Variants in KCNQ1OT1 observed in about 807,000 individuals in gnomAD.
KCNQ1OT1 encodes KCNQ1 antisense RNA 2 (non-protein coding).
rs1849005767 is a variant in KCNQ1OT1 at position 2,612,988 on chromosome 11, G to C, written n.87007C>G. ...GCAGTGTGCAGCCACTGGTGTCTTT[G>C]CTCAGTTTTGTTTGTTTTAATTCTT... On this transcript the variant is annotated non_coding_transcript_exon_variant, in exon 1 of 1. Transcript: ENST00000597346. This position sits in a 1 kb window ranked among gnomAD's most constrained non-coding sequence, Gnocchi z 5.5. 2.5e-6 allele frequency: 1 copy of C among 398,450 alleles called. No individual in the cohort carries two copies. The highest frequency in any genetic ancestry group is 4.4e-5 in the Admixed American group (1 of 22,694). The allele number at this position is 398,450 out of a possible 1,614,324, so 24.7% of individuals were successfully genotyped here. A position where few individuals can be genotyped will look rare whatever the true frequency, so the allele number is the denominator to read the frequency against.
chr11:2,662,207 T>G, exon 1 of KCNQ1OT1: 5 of 1,332,372 alleles, frequency 3.8e-6, no homozygotes, highest in Non-Finnish European at 5.2e-6. Context: ...GCCCACCACT[T>G]GCCGTCTGCC....
At chr11:2,699,568 C>T (rs980632056) in exon 1 of KCNQ1OT1, 80 of 345,418 alleles carry the variant, frequency 2.3e-4, no homozygotes, top group Admixed American at 4.8e-5. Flanking sequence ...GAGAACCATG[C>T]TGAGGAGCCC....
exon 1 of KCNQ1OT1, chr11:2,694,295 A>G (rs1850636656): frequency 2.5e-6 from 1 of 398,700 alleles, no homozygotes; most frequent in East Asian, 3.6e-5. Flanking sequence ...CCCAGTCCCA[A>G]GAGCTGTTCT....
exon 1 of KCNQ1OT1, chr11:2,667,544 T>C (rs7120573): frequency 7.0e-5 from 27 of 387,510 alleles, no homozygotes; most frequent in African/African-American, 4.9e-4. Flanking sequence ...GCACTGATAT[T>C]GTCATGGAGA....
At chr11:2,644,689 T>C (rs1470224194) in exon 1 of KCNQ1OT1, 1 of 398,632 alleles carries the variant, frequency 2.5e-6, no homozygotes, top group East Asian at 3.6e-5. Flanking sequence ...AATTTTTTGA[T>C]CTGTCTTTCC....
chr11:2,623,736 G>A lies in KCNQ1OT1; in HGVS notation n.76259C>T. 1 of 398,470 alleles carries A rather than the reference G, an allele frequency of 2.5e-6. No homozygotes were observed. Among genetic ancestry groups the A allele is most frequent in the Non-Finnish European group, 4.4e-6 (1 of 226,030 alleles). The allele number at this position is 398,470 out of a possible 1,614,324, so 24.7% of individuals were successfully genotyped here. A position where few individuals can be genotyped will look rare whatever the true frequency, so the allele number is the denominator to read the frequency against. ...AAATAAAGCTTCTGTAAACATCTCT[G>A]TGCAGATTTTTATGTGAATATAAGT... is the stretch of plus-strand genomic sequence containing the variant. On this transcript the variant is annotated non_coding_transcript_exon_variant, in exon 1 of 1. Transcript: ENST00000597346. This position sits in a 1 kb window ranked among gnomAD's most constrained non-coding sequence, Gnocchi z 5.2.
At position 2,657,764 on chromosome 11, in the gene KCNQ1OT1, C is replaced by G. The variant is rs1191045743; in HGVS notation, n.42231G>C. 3 of 398,450 alleles carry G rather than the reference C, an allele frequency of 7.5e-6. No homozygotes were observed. Among genetic ancestry groups the G allele is most frequent in the Non-Finnish European group, 1.3e-5 (3 of 226,060 alleles). The allele number at this position is 398,450 out of a possible 1,614,324, so 24.7% of individuals were successfully genotyped here. On this transcript the variant is annotated non_coding_transcript_exon_variant, in exon 1 of 1. Coordinates refer to ENST00000597346, the Ensembl canonical transcript of KCNQ1OT1. The surrounding 1 kb of genome is among the most constrained non-coding windows in gnomAD (Gnocchi z 4.8). ...TGACGGGCTTCTCAGTCTTGTTCTTCATTAACTTGACACTTTTGAAGAATA... is the reference window on the plus strand; with the variant it reads ...TGACGGGCTTCTCAGTCTTGTTCTTGATTAACTTGACACTTTTGAAGAATA...
exon 1 of KCNQ1OT1, chr11:2,662,707 G>A (rs1035570425): frequency 5.0e-6 from 2 of 401,690 alleles, no homozygotes; most frequent in Non-Finnish European, 8.8e-6. Flanking sequence ...GTGCAGCGGG[G>A]TCAGTGGGGC....
chr11:2,655,893 A>G, exon 1 of KCNQ1OT1: 1 of 398,712 alleles, frequency 2.5e-6, no homozygotes, highest in Non-Finnish European at 4.4e-6. Flanking sequence ...CCCTTGTTAT[A>G]GGGGCCCCAT....
exon 1 of KCNQ1OT1, chr11:2,631,169 T>A (rs1456091794): frequency 2.5e-6 from 1 of 398,470 alleles, no homozygotes; most frequent in African/African-American, 2.1e-5. Flanking sequence ...TTTCTCTGAA[T>A]TAACTTTCTA....
rs1191931411 is a variant in KCNQ1OT1, at chr11:2,652,065, T to C, written n.47930A>G. The C allele has an allele frequency of 1.0e-5, 4 of 398,518 alleles. No individual in the cohort carries two copies. Among genetic ancestry groups the C allele is most frequent in the East Asian group, 3.6e-5 (1 of 28,078 alleles). 24.7% of individuals were successfully genotyped at this position (398,518 alleles called of 1,614,324 possible). A position where few individuals can be genotyped will look rare whatever the true frequency, so the allele number is the denominator to read the frequency against. On this transcript the variant is annotated non_coding_transcript_exon_variant, in exon 1 of 1. Coordinates refer to ENST00000597346, the Ensembl canonical transcript of KCNQ1OT1. This position sits in a 1 kb window ranked among gnomAD's most constrained non-coding sequence, Gnocchi z 5.9. ...GCTCTGACTGTGTCCAGGCTCCAAT[T>C]TGAGAAGCTATGGGGAGCCTCTCGG...
chr11:2,614,340 T>G lies in KCNQ1OT1; in HGVS notation n.85655A>C, dbSNP rs1849026274. On this transcript the variant is annotated non_coding_transcript_exon_variant, in exon 1 of 1. Coordinates refer to ENST00000597346, the Ensembl canonical transcript of KCNQ1OT1. ...ATTCTGTCTGTGCTGCTTTTTAGTC[T>G]TCTGTGCACCCTTTAAATTTTTTAA... 4 of 398,444 alleles carry G rather than the reference T, an allele frequency of 1.0e-5. No homozygotes were observed. The Admixed American group carries it at 1.8e-4, about 18-fold the overall frequency. 24.7% of individuals were successfully genotyped at this position (398,444 alleles called of 1,614,324 possible). A position where few individuals can be genotyped will look rare whatever the true frequency, so the allele number is the denominator to read the frequency against.
chr11:2,640,540 C>T (rs1011794281), exon 1 of KCNQ1OT1: 15 of 391,704 alleles, frequency 3.8e-5, no homozygotes, highest in Non-Finnish European at 2.7e-5. Context: ...TCTGCCTTGG[C>T]CCCCCAAAGC....
At position 2,670,468 on chromosome 11, in the gene KCNQ1OT1, G is replaced by A; in HGVS notation, n.29527C>T. ...CTGAGACACACAGCCCACATCCTTGGTAGGTCCCTCAGAGAGCATCTAGTG... is the reference window on the plus strand; with the variant it reads ...CTGAGACACACAGCCCACATCCTTGATAGGTCCCTCAGAGAGCATCTAGTG... On this transcript the variant is annotated non_coding_transcript_exon_variant, in exon 1 of 1. Transcript: ENST00000597346. The surrounding 1 kb of genome is among the most constrained non-coding windows in gnomAD (Gnocchi z 4.9). 1 of 397,648 alleles carries A rather than the reference G, an allele frequency of 2.5e-6. No individual in the cohort carries two copies. The highest frequency in any genetic ancestry group is 4.4e-6 in the Non-Finnish European group (1 of 225,872). 24.6% of individuals were successfully genotyped at this position (397,648 alleles called of 1,614,324 possible).
chr11:2,695,157 C>G lies in KCNQ1OT1; in HGVS notation n.4838G>C, dbSNP rs1458294652. 3 of 398,538 alleles carry G rather than the reference C, an allele frequency of 7.5e-6. No individual in the cohort carries two copies. The highest frequency in any genetic ancestry group is 4.4e-5 in the Admixed American group (1 of 22,716). The allele number at this position is 398,538 out of a possible 1,614,324, so 24.7% of individuals were successfully genotyped here. A position where few individuals can be genotyped will look rare whatever the true frequency, so the allele number is the denominator to read the frequency against. On this transcript the variant is annotated non_coding_transcript_exon_variant, in exon 1 of 1. Transcript: ENST00000597346. The surrounding 1 kb of genome is among the most constrained non-coding windows in gnomAD (Gnocchi z 5.2). ...ATTCGTTGGTTCTTGGCTTTTGGGA[C>G]TCTGCACAGAGTTGATCACAGCCCT...
At chr11:2,688,350 C>T (rs1472737719) in exon 1 of KCNQ1OT1, 1 of 398,772 alleles carries the variant, frequency 2.5e-6, no homozygotes, top group Non-Finnish European at 4.4e-6. Context: ...GTCTTCCTCT[C>T]GTGTCTGGGG....
rs5789260 is a variant in KCNQ1OT1, at chr11:2,671,669, CA to C, written n.28325del. On this transcript the variant is annotated non_coding_transcript_exon_variant, in exon 1 of 1. Transcript: ENST00000597346. The surrounding 1 kb of genome is among the most constrained non-coding windows in gnomAD (Gnocchi z 4.7). Reference sequence around the variant, plus strand: ...CTGCTGGGGAAACTGAGGCAGAGAGCAGGGGTGACTTTGCAAGGCAATAGAG... The same window carrying C: ...CTGCTGGGGAAACTGAGGCAGAGAGCGGGGTGACTTTGCAAGGCAATAGAG... The C allele has an allele frequency of 0.28, 113,004 of 398,504 alleles. 18,351 individuals are homozygous for C. Among genetic ancestry groups the C allele is most frequent in the East Asian group, 0.57 (15,963 of 28,052 alleles). The allele number at this position is 398,504 out of a possible 1,614,324, so 24.7% of individuals were successfully genotyped here.
exon 1 of KCNQ1OT1, chr11:2,644,600 G>C: frequency 2.5e-6 from 1 of 398,526 alleles, no homozygotes. Flanking sequence ...TTCCTTAGGA[G>C]TTGTCATGTT....
In KCNQ1OT1 at chr11:2,695,298, C is replaced by T; in HGVS notation, n.4697G>A. ...ATCCTTGCTCTCCTCCCTACACAAACAGCTTCTCCAGGGTAATTTATTTAT... is the reference window on the plus strand; with the variant it reads ...ATCCTTGCTCTCCTCCCTACACAAATAGCTTCTCCAGGGTAATTTATTTAT... On this transcript the variant is annotated non_coding_transcript_exon_variant, in exon 1 of 1. Transcript: ENST00000597346. This position sits in a 1 kb window ranked among gnomAD's most constrained non-coding sequence, Gnocchi z 5.2. 2 of 398,436 alleles carry T rather than the reference C, an allele frequency of 5.0e-6. No individual in the cohort carries two copies. Among genetic ancestry groups the T allele is most frequent in the Non-Finnish European group, 8.8e-6 (2 of 226,110 alleles). 24.7% of individuals were successfully genotyped at this position (398,436 alleles called of 1,614,324 possible).
Sources: gnomAD v4.1 joint callset for allele counts on GRCh38, gnomAD v4.1.1 for gene constraint, Gnocchi (gnomAD v3.1) non-coding constraint, MANE v1.5 for transcripts, NCBI Gene and HGNC (gene_info 2026-07-23, HGNC 2026-07-21) for gene names.